RBM47: variants seen among roughly 807,000 people sequenced by gnomAD.
RBM47 encodes the protein RNA-binding protein 47.
RBM47 carries 21 observed loss-of-function variants against 47.1 expected under a neutral mutation model. The ratio of observed to expected loss-of-function variants is 0.45; its 90% CI spans 0.32 to 0.64. The LOEUF (loss-of-function observed/expected upper bound fraction) is 0.64, where lower values mean the gene tolerates loss of function less well. RBM47 is among the 30% of genes least tolerant of loss of function. RBM47 has a pLI of 0.05. For missense variants in RBM47, 708 were observed against 870.9 expected, an observed-to-expected ratio of 0.81 and a Z score of 2.35; for synonymous variants, 375 against 361.7, an observed-to-expected ratio of 1.04 and a Z score of -0.42.
At chr4:40,630,009 C>T (rs1371263192), upstream of RBM47, 1 of 152,512 alleles carries the variant, frequency 6.6e-6, no homozygotes, top group Non-Finnish European at 1.5e-5. Context: ...ACACCGGCAA[C>T]TTCCCGTAAA....
chr4:40,460,938 A>G (rs1717048673), intron 3 of RBM47, among the ~76,000 whole-genome samples: 1 of 151,872 alleles, frequency 6.6e-6, no homozygotes. Flanking sequence ...AAGGAAGAGA[A>G]GGAAAATCAG....
rs1417035656 is a variant in RBM47, at chr4:40,576,254, T to G, written c.-239-31748A>C. On this transcript the variant is annotated intron_variant, in intron 1 of 6. Coordinates refer to ENST00000295971, the MANE Select transcript of RBM47 (RefSeq NM_001098634.2). ...TTCTCTTTTCTGTTTTTTTTTTTTT[T>G]TTGGGGGGGGGCGGAGACAGGGTCT... is the stretch of plus-strand genomic sequence containing the variant. 6.6e-4 allele frequency among the ~76,000 whole-genome samples: 46 copies of G among 69,802 alleles called. 1 individual carries two copies. Among genetic ancestry groups the G allele is most frequent in the African/African-American group, 3.5e-3 (42 of 12,124 alleles). 45.8% of individuals were successfully genotyped at this position (69,802 alleles called of 152,430 possible).
intron 1 of RBM47, among the ~76,000 whole-genome samples, chr4:40,569,008 TAGATAGATAGACAGACAGACAGACAGAC>T (rs1375518155): frequency 7.4e-6 from 1 of 135,202 alleles, no homozygotes; most frequent in Non-Finnish European, 1.6e-5. Context: ...GATAGATAGA[TAGATAGATAGACAGACAGACAGACAGAC>T]AGACAGACAG....
intron 1 of RBM47, among the ~76,000 whole-genome samples, chr4:40,617,231 T>C (rs1736836407): frequency 6.6e-6 from 1 of 152,150 alleles, no homozygotes; most frequent in Admixed American, 6.6e-5. Flanking sequence ...TGAATCTCTG[T>C]TCACACAAAT....
Position 40,519,509 on chromosome 4 carries a change from C to T in RBM47, c.-155+24913G>A, listed in dbSNP as rs529639977. ...ATGGGGTTTCTGCATGTTGGTCAGGCTGGTCTCGAACTCCCAACCTCAGGT... is the reference window on the plus strand; with the variant it reads ...ATGGGGTTTCTGCATGTTGGTCAGGTTGGTCTCGAACTCCCAACCTCAGGT... On this transcript the variant is annotated intron_variant, in intron 2 of 6. Transcript: ENST00000295971. Among the ~76,000 whole-genome samples, 8 of 151,770 alleles carry T rather than the reference C, an allele frequency of 5.3e-5. No homozygotes were observed. The South Asian group carries it at 1.7e-3, about 32-fold the overall frequency.
At chr4:40,485,050 A>T (rs1424946703) in intron 2 of RBM47, among the ~76,000 whole-genome samples, 1 of 151,996 alleles carries the variant, frequency 6.6e-6, no homozygotes, top group Non-Finnish European at 1.5e-5. Context: ...GTCTCTTGTA[A>T]AAAATGTTTG....
intron 1 of RBM47, among the ~76,000 whole-genome samples, chr4:40,563,085 G>T (rs1437089523): frequency 6.6e-6 from 1 of 152,210 alleles, no homozygotes; most frequent in East Asian, 1.9e-4. Context: ...CAGCTACTCA[G>T]GAGGCTGAGG....
intron 4 of RBM47, 150 bp from the exon 5 acceptor site, chr4:40,436,797 C>A: frequency 1.3e-6 from 1 of 764,250 alleles, no homozygotes; most frequent in Non-Finnish European, 2.3e-6. Context: ...AAGATGCTTC[C>A]AACATTCTAT....
intron 3 of RBM47, among the ~76,000 whole-genome samples, chr4:40,440,319 C>T (rs141244010): frequency 1.9e-4 from 29 of 152,166 alleles, no homozygotes; most frequent in Non-Finnish European, 3.5e-4. Context: ...GCCTGGCTTC[C>T]GCCTAATTTA....
Position 40,464,890 on chromosome 4 carries a change from CAAAAAAAA to C in RBM47, c.-32+1679_-32+1686del, listed in dbSNP as rs71646997. Among the ~76,000 whole-genome samples the C allele has an allele frequency of 4.4e-4, 14 of 32,096 alleles. No individual in the cohort carries two copies. The East Asian group carries it at 5.4e-3, about 12-fold the overall frequency. The allele number at this position is 32,096 out of a possible 152,430, so 21.1% of individuals were successfully genotyped here. A position where few individuals can be genotyped will look rare whatever the true frequency, so the allele number is the denominator to read the frequency against. On this transcript the variant is annotated intron_variant, in intron 3 of 6. Coordinates refer to ENST00000295971, the MANE Select transcript of RBM47 (RefSeq NM_001098634.2). Reference sequence around the variant, plus strand: ...TGGGCGACAGAGCAAGACTCTGTCTCAAAAAAAAAAAAAAAAAAAAAAAAAAGGAAAAG... The same window carrying C: ...TGGGCGACAGAGCAAGACTCTGTCTCAAAAAAAAAAAAAAAAAAGGAAAAG...
chr4:40,588,254 TG>T (rs1560489510), intron 1 of RBM47, among the ~76,000 whole-genome samples: 1 of 152,194 alleles, frequency 6.6e-6, no homozygotes. Flanking sequence ...CAGCAGGCTT[TG>T]GGGGGAACAT....
chr4:40,553,765 G>C (rs1577946298), intron 1 of RBM47, among the ~76,000 whole-genome samples: 1 of 152,138 alleles, frequency 6.6e-6, no homozygotes, highest in Non-Finnish European at 1.5e-5. Flanking sequence ...CCTGGTTGGA[G>C]AGATAATAAG....
intron 2 of RBM47, among the ~76,000 whole-genome samples, chr4:40,484,926 C>T (rs2154243457): frequency 6.6e-6 from 1 of 152,308 alleles, no homozygotes; most frequent in African/African-American, 2.4e-5. Context: ...ACAACATTGC[C>T]TAAACAGCAA....
At chr4:40,452,015 C>T (rs982278111) in intron 3 of RBM47, among the ~76,000 whole-genome samples, 1 of 152,056 alleles carries the variant, frequency 6.6e-6, no homozygotes, top group African/African-American at 2.4e-5. Flanking sequence ...ACTAAAAATA[C>T]AAAAATTAGC....
At chr4:40,545,702 T>TAAATAAATAAATAAATAAATAAAA (rs1202852135) in intron 1 of RBM47, among the ~76,000 whole-genome samples, 2 of 150,906 alleles carry the variant, frequency 1.3e-5, no homozygotes, top group Non-Finnish European at 2.9e-5. Context: ...AATAAATAAA[T>TAAATAAATAAATAAATAAATAAAA]AAAAGAGAAA....
chr4:40,510,173 G>A lies in RBM47; in HGVS notation c.-155+34249C>T, dbSNP rs1724733269. ...TTGCACTCCAGCCTGGGCAACAAGA[G>A]TGAAACTCCATCTCAAAAAAAAAAA... On this transcript the variant is annotated intron_variant, in intron 2 of 6. Transcript: ENST00000295971. 2.4e-5 allele frequency among the ~76,000 whole-genome samples: 3 copies of A among 124,832 alleles called. No individual in the cohort carries two copies. In the South Asian group the frequency reaches 7.9e-4, roughly 33 times the overall value. The allele number at this position is 124,832 out of a possible 152,430, so 81.9% of individuals were successfully genotyped here.
intron 2 of RBM47, among the ~76,000 whole-genome samples, chr4:40,486,823 G>A (rs1479968509): frequency 6.6e-6 from 1 of 152,152 alleles, no homozygotes; most frequent in Non-Finnish European, 1.5e-5. Context: ...TAATAACAAA[G>A]GCATTTATGC....
chr4:40,430,977 G>A (rs930661936), intron 6 of RBM47, among the ~76,000 whole-genome samples: 2 of 152,050 alleles, frequency 1.3e-5, no homozygotes, highest in Non-Finnish European at 2.9e-5. Context: ...CCAACTACTT[G>A]GGAGGCTGAG....
intron 3 of RBM47, among the ~76,000 whole-genome samples, chr4:40,440,521 T>G (rs1399504389): frequency 2.0e-5 from 3 of 152,218 alleles, no homozygotes; most frequent in African/African-American, 7.2e-5. Flanking sequence ...AAAATGAATT[T>G]GATCATTGAA....
Sources: gnomAD v4.1 joint callset for allele counts (sites outside exome capture counted in the v4.1 genomes callset) on GRCh38, gnomAD v4.1.1 for gene constraint, MANE v1.5 for transcripts, NCBI Gene and HGNC (gene_info 2026-07-23, HGNC 2026-07-21) for gene names.